SULF1: variants seen among roughly 807,000 people sequenced by gnomAD.
SULF1 encodes the protein sulfatase 1, also known as extracellular sulfatase Sulf-1.
Under a neutral mutation model 110.5 loss-of-function variants are expected in SULF1, and 46 were observed. The observed-to-expected ratio is 0.42, with a 90% CI of 0.33 to 0.53. The LOEUF (loss-of-function observed/expected upper bound fraction) is 0.53, where lower values mean the gene tolerates loss of function less well. Ranked by LOEUF, SULF1 falls within the 20% of genes least tolerant of loss-of-function variation. SULF1 has a pLI of 0.12. For synonymous variants in SULF1, 371 were observed against 387.1 expected, an observed-to-expected ratio of 0.96 and a Z score of 0.49; for missense variants, 941 against 1,094.2, an observed-to-expected ratio of 0.86 and a Z score of 1.98.
chr8:69,480,564 C>T (rs191216174), intron 1 of SULF1, among the ~76,000 whole-genome samples: 1 of 152,054 alleles, frequency 6.6e-6, no homozygotes, highest in African/African-American at 2.4e-5. Flanking sequence ...TTCTTCATAG[C>T]TTAATAAATT....
At chr8:69,654,107 A>G (rs1486711961) in intron 22 of SULF1, among the ~76,000 whole-genome samples, 1 of 152,172 alleles carries the variant, frequency 6.6e-6, no homozygotes, top group Non-Finnish European at 1.5e-5. Flanking sequence ...GTCTGGTATA[A>G]TGGAGCTAAG....
intron 5 of SULF1, 136 bp downstream of exon 5, chr8:69,564,283 C>T: frequency 1.9e-6 from 2 of 1,039,778 alleles, no homozygotes; most frequent in Non-Finnish European, 2.8e-6. Flanking sequence ...ACGCAATGAA[C>T]TTGTATTGAC....
chr8:69,614,455 C>G (rs547883137), intron 13 of SULF1, among the ~76,000 whole-genome samples: 70 of 152,302 alleles, frequency 4.6e-4, no homozygotes, highest in African/African-American at 1.6e-3. Context: ...AGAGCAGTAC[C>G]TGCTATCAAG....
chr8:69,634,627 C>T (rs1031507402), intron 19 of SULF1, among the ~76,000 whole-genome samples: 11 of 151,798 alleles, frequency 7.2e-5, no homozygotes, highest in Admixed American at 4.6e-4. Context: ...GAAAATTATC[C>T]GGGCTTGCCT....
At position 69,659,387 on chromosome 8, in the gene SULF1, A is replaced by G. The variant is rs11996377; in HGVS notation, c.*852A>G. On this transcript the variant is annotated 3_prime_UTR_variant, in exon 23 of 23. Coordinates refer to ENST00000402687, the MANE Select transcript of SULF1 (RefSeq NM_001128205.2). ...TAACTTTTTTATTTGTAAACTAATA[A>G]AGGTAATCACAGCCACCAACATTCC... 15,239 of 357,374 alleles carry G rather than the reference A, an allele frequency of 0.043. 463 individuals carry two copies. Among genetic ancestry groups the G allele is most frequent in the African/African-American group, 0.12 (5,430 of 46,838 alleles). The allele number at this position is 357,374 out of a possible 1,614,324, so 22.1% of individuals were successfully genotyped here.
intron 1 of SULF1, among the ~76,000 whole-genome samples, chr8:69,483,140 A>G (rs1306998254): frequency 6.6e-6 from 1 of 152,178 alleles, no homozygotes; most frequent in Non-Finnish European, 1.5e-5. Flanking sequence ...TGATTTTGGT[A>G]TCTACAGTGG....
chr8:69,652,371 A>G (rs561030754), intron 22 of SULF1, among the ~76,000 whole-genome samples: 35 of 152,298 alleles, frequency 2.3e-4, no homozygotes, highest in African/African-American at 7.2e-4. Context: ...CACAGCTATC[A>G]ATGTTATCCT....
At chr8:69,620,588 GC>G (rs1285552334) in intron 13 of SULF1, among the ~76,000 whole-genome samples, 2 of 152,188 alleles carry the variant, frequency 1.3e-5, no homozygotes, top group Non-Finnish European at 2.9e-5. Flanking sequence ...TTCCTCATGT[GC>G]CATTCTTCCC....
upstream of SULF1, among the ~76,000 whole-genome samples, chr8:69,488,876 A>G (rs767479030): frequency 1.3e-5 from 2 of 152,068 alleles, no homozygotes; most frequent in Non-Finnish European, 2.9e-5. Context: ...AGTAGTAACA[A>G]GAGAATGCGG....
At chr8:69,636,203 C>A (rs1236317385) in intron 19 of SULF1, among the ~76,000 whole-genome samples, 1 of 152,130 alleles carries the variant, frequency 6.6e-6, no homozygotes, top group Non-Finnish European at 1.5e-5. Context: ...AACGCATTTT[C>A]GCCACGAGAA....
chr8:69,499,236 G>C (rs1397385325), intron 2 of SULF1, among the ~76,000 whole-genome samples: 2 of 152,096 alleles, frequency 1.3e-5, no homozygotes, highest in Non-Finnish European at 2.9e-5. Flanking sequence ...TTTTATGTTT[G>C]TATAGCTATA....
chr8:69,629,533 TG>T lies in SULF1; in HGVS notation c.2139del (p.Gln714AsnfsTer90). On this transcript the variant is annotated frameshift_variant, in exon 19 of 23. Coordinates refer to ENST00000402687, the MANE Select transcript of SULF1 (RefSeq NM_001128205.2). LOFTEE classifies it high-confidence loss of function. ...KEAAQEVDSK[L>X]QLFKENNRRR... ...GCTGCTCAGGAAGTAGATAGCAAAC[TG>T]CAACTTTTCAAGGAGAACAACCGTA... The T allele has an allele frequency of 1.2e-6, 2 of 1,613,510 alleles. No individual in the cohort carries two copies. Among genetic ancestry groups the T allele is most frequent in the Non-Finnish European group, 1.7e-6 (2 of 1,179,768 alleles).
intron 3 of SULF1, among the ~76,000 whole-genome samples, chr8:69,552,560 T>C (rs559356881): frequency 6.6e-6 from 1 of 152,366 alleles, no homozygotes; most frequent in South Asian, 2.1e-4. Flanking sequence ...TTGGAAAGCA[T>C]TGATTTACAG....
At chr8:69,559,164 A>T (rs996837490) in intron 3 of SULF1, among the ~76,000 whole-genome samples, 1 of 152,232 alleles carries the variant, frequency 6.6e-6, no homozygotes, top group Admixed American at 6.5e-5. Flanking sequence ...TCAGATACTT[A>T]TAGATATTTT....
chr8:69,530,262 T>A (rs1812993369), intron 3 of SULF1, among the ~76,000 whole-genome samples: 1 of 152,024 alleles, frequency 6.6e-6, no homozygotes. Flanking sequence ...ATCAGGCTCT[T>A]TGAGCAAAAA....
chr8:69,526,556 A>T (rs1340155797), intron 3 of SULF1, among the ~76,000 whole-genome samples: 2 of 150,996 alleles, frequency 1.3e-5, no homozygotes, highest in Non-Finnish European at 3.0e-5. Context: ...AAGCCCAAGA[A>T]TTCGAGACCA....
chr8:69,588,699 G>A (rs1168535815), intron 7 of SULF1, among the ~76,000 whole-genome samples: 1 of 152,114 alleles, frequency 6.6e-6, no homozygotes, highest in Non-Finnish European at 1.5e-5. Flanking sequence ...GGGCAAACAC[G>A]ACTTGACTTT....
At chr8:69,643,039 G>T (rs1011575445) in intron 22 of SULF1, among the ~76,000 whole-genome samples, 3 of 152,144 alleles carry the variant, frequency 2.0e-5, no homozygotes, top group Non-Finnish European at 4.4e-5. Context: ...CCAGAGAGCA[G>T]ATCTAAGGAT....
rs374473446 is a variant in SULF1, at chr8:69,650,488, CA to C, written c.2586-8013del. 6.8e-3 allele frequency among the ~76,000 whole-genome samples: 1,038 copies of C among 152,174 alleles called. 14 individuals carry two copies. The highest frequency in any genetic ancestry group is 0.024 in the African/African-American group (997 of 41,506). ...TTATCTCTACTAAAAATACAACATTCAAAACATTAGCTGGGCTTAGTCCCAG... is the reference window on the plus strand; with the variant it reads ...TTATCTCTACTAAAAATACAACATTCAAACATTAGCTGGGCTTAGTCCCAG... On this transcript the variant is annotated intron_variant, in intron 22 of 22. Transcript: ENST00000402687.
Sources: allele counts gnomAD v4.1 joint callset (sites outside exome capture counted in the v4.1 genomes callset), GRCh38; gene constraint gnomAD v4.1.1; transcripts MANE v1.5; gene names NCBI Gene and HGNC (gene_info 2026-07-23, HGNC 2026-07-21).